Variants in TCF12 observed in about 807,000 individuals in gnomAD.
The protein encoded by TCF12 is transcription factor 12.
In TCF12, 45 loss-of-function variants were observed where a neutral mutation model predicts 86.0. The observed-to-expected ratio is 0.52, with a 90% confidence interval of 0.41 to 0.67. The LOEUF is 0.67. TCF12 is among the 30% of genes least tolerant of loss of function. The pLI, the probability that TCF12 is intolerant of heterozygous loss-of-function variation, is 0.00. For synonymous variants in TCF12, 330 were observed against 299.6 expected, an observed-to-expected ratio of 1.10 and a Z score of -1.05; for missense variants, 881 against 859.9, an observed-to-expected ratio of 1.02 and a Z score of -0.31.
intron 3 of TCF12, among the ~76,000 whole-genome samples, chr15:57,031,583 A>G (rs1357715742): frequency 6.6e-6 from 1 of 152,190 alleles, no homozygotes; most frequent in Non-Finnish European, 1.5e-5. Context: ...CTCTTTCTTT[A>G]GAATTGAATT....
At chr15:57,127,300 CT>C (rs1191369509) in intron 5 of TCF12, among the ~76,000 whole-genome samples, 12 of 151,088 alleles carry the variant, frequency 7.9e-5, no homozygotes, top group South Asian at 6.3e-4. Context: ...ACTCTTTCTT[CT>C]TTTTTTTTAT....
intron 3 of TCF12, among the ~76,000 whole-genome samples, chr15:56,950,188 G>A (rs1373699223): frequency 2.0e-5 from 3 of 151,936 alleles, no homozygotes; most frequent in Admixed American, 1.3e-4. Context: ...GGTTTTTGTC[G>A]TGGTAGGTTA....
At chr15:57,102,837 C>G (rs928430345) in intron 5 of TCF12, among the ~76,000 whole-genome samples, 8 of 152,134 alleles carry the variant, frequency 5.3e-5, no homozygotes, top group Admixed American at 1.3e-4. Context: ...CAGATTTTCT[C>G]TCTCTGAAAT....
rs764576371 is a variant in TCF12 at position 57,288,466 on chromosome 15, A to G, written c.*2321A>G. 5.2e-5 allele frequency: 8 copies of G among 152,662 alleles called. No individual in the cohort carries two copies. The highest frequency in any genetic ancestry group is 1.2e-4 in the African/African-American group (5 of 41,464). The allele number at this position is 152,662 out of a possible 1,614,324, so 9.5% of individuals were successfully genotyped here. A position where few individuals can be genotyped will look rare whatever the true frequency, so the allele number is the denominator to read the frequency against. The stretch of plus-strand genomic sequence containing the variant: ...CACTGTAACAGAAAACACAATATGT[A>G]TATAACATTTATGTAGCAATAAATG... On this transcript the variant is annotated 3_prime_UTR_variant, in exon 21 of 21. Coordinates refer to ENST00000333725, the MANE Select transcript of TCF12 (RefSeq NM_207037.2).
chr15:57,094,669 C>T (rs556002276), intron 5 of TCF12, among the ~76,000 whole-genome samples: 55 of 152,130 alleles, frequency 3.6e-4, no homozygotes, highest in Non-Finnish European at 6.8e-4. Context: ...AACCAATCAT[C>T]GCAACAGGTA....
chr15:57,233,585 C>A (rs533069859), intron 11 of TCF12, among the ~76,000 whole-genome samples: 10 of 152,262 alleles, frequency 6.6e-5, no homozygotes, highest in Admixed American at 5.2e-4. Context: ...TCAGGTGATA[C>A]CCCAGCTTCA....
intron 4 of TCF12, among the ~76,000 whole-genome samples, chr15:57,075,835 T>TCTCTCTCTCTCTCC (rs778545170): frequency 2.0e-5 from 1 of 49,994 alleles, no homozygotes; most frequent in Non-Finnish European, 3.6e-5. Context: ...TCTCTCTCTC[T>TCTCTCTCTCTCTCC]TTTCTTTCTT....
chr15:56,998,384 G>C (rs553398914), intron 3 of TCF12, among the ~76,000 whole-genome samples: 1 of 150,918 alleles, frequency 6.6e-6, no homozygotes, highest in South Asian at 2.1e-4. Flanking sequence ...TTGAACCCAG[G>C]AGGTGGAGAC....
rs1297133933 is a variant in TCF12 at position 57,163,186 on chromosome 15, A to C, written c.326-3216A>C. Reference sequence around the variant, plus strand: ...GAGACTCAGTCTCAAAAAAAATAAAAAATAAAAAATGTAGTTCACTAATTA... The same window carrying C: ...GAGACTCAGTCTCAAAAAAAATAAACAATAAAAAATGTAGTTCACTAATTA... On this transcript the variant is annotated intron_variant, in intron 5 of 20. Coordinates refer to ENST00000333725, the MANE Select transcript of TCF12 (RefSeq NM_207037.2). Among the ~76,000 whole-genome samples, 3 of 152,100 alleles carry C rather than the reference A, an allele frequency of 2.0e-5. No individual in the cohort carries two copies. The East Asian group carries it at 5.8e-4, about 29-fold the overall frequency.
chr15:57,242,991 T>A (rs1038322339), intron 12 of TCF12, among the ~76,000 whole-genome samples: 1 of 152,244 alleles, frequency 6.6e-6, no homozygotes, highest in Admixed American at 6.5e-5. Context: ...TTGATCAAAC[T>A]GAGTAACTTT....
chr15:57,140,709 T>G (rs1268975877), intron 5 of TCF12, among the ~76,000 whole-genome samples: 1 of 152,206 alleles, frequency 6.6e-6, no homozygotes, highest in East Asian at 1.9e-4. Context: ...TCAAATTCTA[T>G]GAGATATAAA....
At chr15:57,192,436 A>T in intron 7 of TCF12, 143 bp downstream of exon 7, 1 of 1,200,626 alleles carries the variant, frequency 8.3e-7, no homozygotes, top group Non-Finnish European at 1.1e-6. Flanking sequence ...TTACCCATGC[A>T]GGAATGCAAC....
intron 6 of TCF12, among the ~76,000 whole-genome samples, chr15:57,167,214 G>A (rs141169564): frequency 2.0e-4 from 30 of 152,322 alleles, no homozygotes; most frequent in Admixed American, 1.5e-3. Flanking sequence ...GTGCCTCTAA[G>A]AGAGTTTTAC....
intron 3 of TCF12, among the ~76,000 whole-genome samples, chr15:57,018,499 A>G (rs534225710): frequency 7.9e-5 from 12 of 151,630 alleles, no homozygotes; most frequent in Admixed American, 2.0e-4. Flanking sequence ...GCCTAGCTCT[A>G]TCGCCCAGGC....
At chr15:57,175,436 G>A (rs1407148016) in intron 6 of TCF12, among the ~76,000 whole-genome samples, 1 of 152,174 alleles carries the variant, frequency 6.6e-6, no homozygotes, top group Non-Finnish European at 1.5e-5. Context: ...GGAGGTTTAA[G>A]TACAGTGAAT....
intron 4 of TCF12, among the ~76,000 whole-genome samples, chr15:57,082,750 G>A (rs2048392296): frequency 6.6e-6 from 1 of 152,068 alleles, no homozygotes; most frequent in Non-Finnish European, 1.5e-5. Flanking sequence ...AGAACAGTTT[G>A]GCAATATCTA....
intron 7 of TCF12, among the ~76,000 whole-genome samples, chr15:57,194,847 A>T (rs565485734): frequency 6.6e-6 from 1 of 152,258 alleles, no homozygotes; most frequent in South Asian, 2.1e-4. Flanking sequence ...TATATGATGG[A>T]GCTGGAATTA....
At chr15:57,254,631 C>T (rs1305549136) in intron 16 of TCF12, among the ~76,000 whole-genome samples, 7 of 151,612 alleles carry the variant, frequency 4.6e-5, no homozygotes, top group Non-Finnish European at 1.0e-4. Flanking sequence ...GAGGCCAAGG[C>T]GGGAGGATTG....
rs944682346 is a variant in TCF12, at chr15:57,243,566, A to G, written c.1114+16A>G. The G allele has an allele frequency of 1.3e-6, 2 of 1,597,866 alleles. No homozygotes were observed. The highest frequency in any genetic ancestry group is 1.7e-6 in the Non-Finnish European group (2 of 1,165,816). On this transcript the variant is annotated intron_variant, in intron 13 of 20. Coordinates refer to ENST00000333725, the MANE Select transcript of TCF12 (RefSeq NM_207037.2). The stretch of plus-strand genomic sequence containing the variant: ...CCTCTCACAGGTAGGCTTCTGTTTT[A>G]TCTACTTCTAACTGGTGGGACTACT...
Sources: gnomAD v4.1 joint callset for allele counts (sites outside exome capture counted in the v4.1 genomes callset) on GRCh38, gnomAD v4.1.1 for gene constraint, MANE v1.5 for transcripts, NCBI Gene and HGNC (gene_info 2026-07-23, HGNC 2026-07-21) for gene names.